The following NAV2 variants were observed in gnomAD, a reference collection of about 807,000 sequenced individuals.
NAV2 encodes neuron navigator 2, also known as helicase, APC down-regulated 1.
NAV2 carries 54 observed loss-of-function variants against 223.2 expected under a neutral mutation model. The observed-to-expected ratio is 0.24, with a 90% CI of 0.19 to 0.30. The LOEUF (loss-of-function observed/expected upper bound fraction) is 0.30. Among genes scored for constraint, NAV2 ranks in the 10% least tolerant of loss-of-function variants. NAV2 has a pLI of 1.00. For synonymous variants in NAV2, 1,279 were observed against 1,239.3 expected, an observed-to-expected ratio of 1.03 and a Z score of -0.67; for missense variants, 2,806 against 3,147.5, an observed-to-expected ratio of 0.89 and a Z score of 2.60.
intron 10 of NAV2, among the ~76,000 whole-genome samples, chr11:19,952,316 C>T (rs1436152370): frequency 6.6e-6 from 1 of 152,152 alleles, no homozygotes; most frequent in Non-Finnish European, 1.5e-5. Flanking sequence ...AGCTCTGTGA[C>T]GTTAGGCATG....
chr11:20,024,958 GTCC>G (rs1232427658), intron 11 of NAV2, among the ~76,000 whole-genome samples: 1 of 152,204 alleles, frequency 6.6e-6, no homozygotes, highest in Non-Finnish European at 1.5e-5. Flanking sequence ...GCATTAAAGT[GTCC>G]TGTGTATTTT....
intron 1 of NAV2, among the ~76,000 whole-genome samples, chr11:19,583,998 G>T (rs573952343): frequency 2.6e-5 from 4 of 152,056 alleles, no homozygotes; most frequent in African/African-American, 7.2e-5. Context: ...CTGTGAATCC[G>T]TCTGGTCCTG....
chr11:19,950,315 A>C (rs1038764099), intron 10 of NAV2, among the ~76,000 whole-genome samples: 1 of 152,154 alleles, frequency 6.6e-6, no homozygotes, highest in Non-Finnish European at 1.5e-5. Flanking sequence ...CTTTACTTTT[A>C]TACTCTCTTG....
At chr11:19,964,119 G>A (rs1056847162) in intron 10 of NAV2, among the ~76,000 whole-genome samples, 3 of 152,106 alleles carry the variant, frequency 2.0e-5, no homozygotes, top group Admixed American at 2.0e-4. Flanking sequence ...TTACTCTTTG[G>A]GAGTTGTTAA....
Position 20,120,345 on chromosome 11 carries a change from G to C in NAV2, c.*2087G>C, listed in dbSNP as rs556499690. ...TAGCCTTCATTAGTCATCTGGGTGT[G>C]AGTGTGTCTTGTTCTGTTTTTCTTT... On this transcript the variant is annotated 3_prime_UTR_variant, in exon 38 of 38. Transcript: ENST00000349880. 2.6e-5 allele frequency: 4 copies of C among 152,572 alleles called. No individual in the cohort carries two copies. Among genetic ancestry groups the C allele is most frequent in the East Asian group, 3.9e-4 (2 of 5,190 alleles). 9.5% of individuals were successfully genotyped at this position (152,572 alleles called of 1,614,324 possible).
intron 1 of NAV2, among the ~76,000 whole-genome samples, chr11:19,691,951 A>G (rs1280072179): frequency 3.3e-5 from 5 of 152,158 alleles, no homozygotes; most frequent in African/African-American, 1.2e-4. Context: ...AGCTGACAAC[A>G]CTTTCCACAT....
At chr11:19,503,436 C>A (rs756229466) in intron 1 of NAV2, 38 of 152,304 alleles carry the variant, frequency 2.5e-4, no homozygotes, top group Admixed American at 1.4e-3. Context: ...CCCTAAAAGT[C>A]CTCTGTGCTC....
upstream of NAV2, among the ~76,000 whole-genome samples, chr11:19,347,490 C>G (rs796590091): frequency 3.9e-4 from 59 of 152,254 alleles, no homozygotes; most frequent in African/African-American, 1.4e-3. Flanking sequence ...AGTTTGAAGC[C>G]TTTTGGAGGC....
chr11:19,417,991 GAT>G (rs1850449619), intron 1 of NAV2, among the ~76,000 whole-genome samples: 1 of 152,152 alleles, frequency 6.6e-6, no homozygotes, highest in African/African-American at 2.4e-5. Context: ...CTAGGGGAGG[GAT>G]AGCATTAACA....
intron 1 of NAV2, among the ~76,000 whole-genome samples, chr11:19,524,777 A>G (rs1001404572): frequency 2.0e-5 from 3 of 152,176 alleles, no homozygotes; most frequent in Non-Finnish European, 2.9e-5. Context: ...CCTAAGCTCT[A>G]AGGACTTCCC....
chr11:19,442,554 C>G (rs1242905503), intron 1 of NAV2, among the ~76,000 whole-genome samples: 1 of 152,162 alleles, frequency 6.6e-6, no homozygotes, highest in East Asian at 1.9e-4. Flanking sequence ...GAGAAGTTGA[C>G]CTTTCTCTGC....
intron 11 of NAV2, among the ~76,000 whole-genome samples, chr11:19,997,406 G>A (rs1413579923): frequency 6.6e-6 from 1 of 152,188 alleles, no homozygotes; most frequent in Non-Finnish European, 1.5e-5. Context: ...ACCAGAAACA[G>A]AGGCTCCTTG....
At chr11:19,708,761 T>A (rs2049757248), upstream of NAV2, among the ~76,000 whole-genome samples, 1 of 152,030 alleles carries the variant, frequency 6.6e-6, no homozygotes, top group East Asian at 1.9e-4. Context: ...TGATAATACG[T>A]TTCAATTTGG....
chr11:19,881,724 A>G (rs1261887655), intron 5 of NAV2, among the ~76,000 whole-genome samples: 1 of 152,168 alleles, frequency 6.6e-6, no homozygotes, highest in Non-Finnish European at 1.5e-5. Flanking sequence ...GAGGCAGGCA[A>G]ACAAGCACAT....
chr11:19,925,552 C>T (rs577663469), intron 6 of NAV2, among the ~76,000 whole-genome samples: 1 of 152,098 alleles, frequency 6.6e-6, no homozygotes, highest in East Asian at 1.9e-4. Context: ...GGTTCGAGAC[C>T]AACCCGGCCA....
At chr11:19,391,559 T>C (rs1258072490) in intron 1 of NAV2, among the ~76,000 whole-genome samples, 1 of 152,176 alleles carries the variant, frequency 6.6e-6, no homozygotes, top group African/African-American at 2.4e-5. Flanking sequence ...AGACGTTCAC[T>C]GTTAATGTGT....
chr11:20,071,076 G>A (rs907494812), intron 22 of NAV2, among the ~76,000 whole-genome samples: 34 of 151,748 alleles, frequency 2.2e-4, no homozygotes, highest in African/African-American at 7.3e-4. Context: ...ATCTACATTA[G>A]GCATTTCTCC....
chr11:19,378,400 G>A (rs1479976165), intron 1 of NAV2, among the ~76,000 whole-genome samples: 1 of 151,860 alleles, frequency 6.6e-6, no homozygotes, highest in Non-Finnish European at 1.5e-5. Context: ...GGGGCCTATG[G>A]TGCATCCTCC....
chr11:19,550,944 C>T (rs73420184), intron 1 of NAV2, among the ~76,000 whole-genome samples: 5,500 of 152,342 alleles, frequency 0.036, 293 homozygotes, highest in South Asian at 0.15. Flanking sequence ...TAAACCACCC[C>T]GTAATCTACA....
Sources: gnomAD v4.1 joint callset for allele counts (sites outside exome capture counted in the v4.1 genomes callset) on GRCh38, gnomAD v4.1.1 for gene constraint, MANE v1.5 for transcripts, NCBI Gene and HGNC (gene_info 2026-07-23, HGNC 2026-07-21) for gene names.